Variants in TSPAN18 observed in about 807,000 individuals in gnomAD.
The protein encoded by TSPAN18 is tetraspanin-18.
In TSPAN18, 14 loss-of-function variants were observed where a neutral mutation model predicts 27.3. The observed-to-expected ratio is 0.51, with a 90% CI of 0.34 to 0.80. TSPAN18 has a LOEUF of 0.80. Ranked by LOEUF, TSPAN18 falls within the 30% of genes least tolerant of loss-of-function variation. The probability of loss-of-function intolerance (pLI) is 0.01; values close to 1 mark genes in which losing one functional copy is unlikely to be tolerated. For synonymous variants in TSPAN18, 143 were observed against 136.5 expected (o/e 1.05, Z -0.33); for missense variants, 268 against 323.9 (o/e 0.83, Z 1.32).
At chr11:44,858,039 C>T (rs776635665) in intron 2 of TSPAN18, among the ~76,000 whole-genome samples, 1 of 152,210 alleles carries the variant, frequency 6.6e-6, no homozygotes, top group Non-Finnish European at 1.5e-5. Context: ...ATTTCACAGC[C>T]GTGTGTCTGA....
chr11:44,864,450 C>T (rs1322766934), intron 3 of TSPAN18, among the ~76,000 whole-genome samples: 6 of 152,072 alleles, frequency 3.9e-5, no homozygotes, highest in African/African-American at 7.2e-5. Context: ...CTGAGAGGCA[C>T]GTGGGGTCCT....
At chr11:44,924,757 G>C (rs541358513) in intron 8 of TSPAN18, among the ~76,000 whole-genome samples, 1 of 150,610 alleles carries the variant, frequency 6.6e-6, no homozygotes, top group Non-Finnish European at 1.5e-5. Flanking sequence ...CACATGGGAG[G>C]GGGGAGGGAT....
intron 2 of TSPAN18, among the ~76,000 whole-genome samples, chr11:44,825,228 A>G (rs1280604760): frequency 3.3e-5 from 5 of 152,200 alleles, no homozygotes; most frequent in African/African-American, 1.2e-4. Context: ...GTAGAAGGCA[A>G]CATGTTAGAG....
At chr11:44,883,642 T>G (rs1858556504) in intron 3 of TSPAN18, among the ~76,000 whole-genome samples, 8 of 152,318 alleles carry the variant, frequency 5.3e-5, no homozygotes, top group Admixed American at 4.6e-4. Context: ...AGTAACTTGC[T>G]CAACATCAGA....
chr11:44,920,853 G>A (rs1337276497), intron 8 of TSPAN18, among the ~76,000 whole-genome samples: 5 of 152,186 alleles, frequency 3.3e-5, no homozygotes, highest in Non-Finnish European at 5.9e-5. Context: ...ATTAGAGGAC[G>A]CGCAAGATGA....
At chr11:44,756,929 C>T (rs1304772534) in intron 1 of TSPAN18, among the ~76,000 whole-genome samples, 2 of 152,160 alleles carry the variant, frequency 1.3e-5, no homozygotes, top group Non-Finnish European at 2.9e-5. Flanking sequence ...TGTCTTGTTC[C>T]TGATCTTAGA....
At chr11:44,928,167 C>G (rs1158027147) in intron 9 of TSPAN18, among the ~76,000 whole-genome samples, 1 of 152,182 alleles carries the variant, frequency 6.6e-6, no homozygotes, top group East Asian at 1.9e-4. Flanking sequence ...AGTCCCTGAG[C>G]TAGGGTCTCC....
intron 4 of TSPAN18, among the ~76,000 whole-genome samples, chr11:44,907,055 G>C (rs748002383): frequency 6.6e-6 from 1 of 152,206 alleles, no homozygotes; most frequent in African/African-American, 2.4e-5. Flanking sequence ...AATTAAGCAA[G>C]ATTAGTTTAC....
intron 2 of TSPAN18, among the ~76,000 whole-genome samples, chr11:44,835,100 CAGGGGG>C: frequency 6.6e-6 from 1 of 152,196 alleles, no homozygotes; most frequent in South Asian, 2.1e-4. Flanking sequence ...CACACGGGAG[CAGGGGG>C]CTCCGGCAGC....
chr11:44,759,077 T>C (rs1477281805), intron 1 of TSPAN18, among the ~76,000 whole-genome samples: 3 of 152,258 alleles, frequency 2.0e-5, no homozygotes, highest in Admixed American at 6.5e-5. Flanking sequence ...CATCAGCAGC[T>C]GTCCTTCTGC....
intron 2 of TSPAN18, among the ~76,000 whole-genome samples, chr11:44,767,226 C>T (rs1256115165): frequency 6.6e-6 from 1 of 152,220 alleles, no homozygotes; most frequent in Non-Finnish European, 1.5e-5. Flanking sequence ...CATCCCAAGC[C>T]TCTAGCTGAT....
rs191655935 is a variant in TSPAN18, at chr11:44,865,939, C to T, written c.-11+5470C>T. Among the ~76,000 whole-genome samples the T allele has an allele frequency of 4.6e-5, 7 of 152,346 alleles. No homozygotes were observed. The East Asian group carries it at 9.6e-4, about 21-fold the overall frequency. ...TCCTGGGGATGGGAGTGGCCTGAGCCGAACCACATTCAGTCCAGGCTTGGA... is the reference window on the plus strand; with the variant it reads ...TCCTGGGGATGGGAGTGGCCTGAGCTGAACCACATTCAGTCCAGGCTTGGA... On this transcript the variant is annotated intron_variant, in intron 3 of 9. Coordinates refer to ENST00000520358, the MANE Select transcript of TSPAN18 (RefSeq NM_130783.5).
At chr11:44,844,006 A>G (rs1590565961) in intron 2 of TSPAN18, among the ~76,000 whole-genome samples, 1 of 152,362 alleles carries the variant, frequency 6.6e-6, no homozygotes, top group East Asian at 1.9e-4. Context: ...TAAAGCAAAG[A>G]CAGGCATAGG....
At chr11:44,835,755 CA>C (rs1857252046) in intron 2 of TSPAN18, among the ~76,000 whole-genome samples, 1 of 152,178 alleles carries the variant, frequency 6.6e-6, no homozygotes, top group South Asian at 2.1e-4. Flanking sequence ...GTGCATAGAG[CA>C]AATCTATCAG....
chr11:44,793,304 C>T (rs991936533), intron 2 of TSPAN18, among the ~76,000 whole-genome samples: 5 of 152,178 alleles, frequency 3.3e-5, no homozygotes, highest in African/African-American at 7.2e-5. Flanking sequence ...TTGACTTTTG[C>T]TTGTGGAACA....
At chr11:44,909,622 GGCTCAGGGGAGTGGTGGGTCAGAA>G (rs1859631595) in intron 4 of TSPAN18, 59 bp from the exon 5 acceptor site, 1 of 1,443,592 alleles carries the variant, frequency 6.9e-7, no homozygotes, top group African/African-American at 1.4e-5. Context: ...CCCTGGGGCT[GGCTCAGGGGAGTGGTGGGTCAGAA>G]GTGCCTAACC....
chr11:44,896,728 C>T (rs1859067963), intron 3 of TSPAN18, among the ~76,000 whole-genome samples: 1 of 152,140 alleles, frequency 6.6e-6, no homozygotes, highest in Non-Finnish European at 1.5e-5. Flanking sequence ...TTAGTCCTCC[C>T]CACTGTGGGT....
intron 3 of TSPAN18, among the ~76,000 whole-genome samples, chr11:44,883,972 G>C (rs1184897797): frequency 6.6e-6 from 1 of 152,082 alleles, no homozygotes; most frequent in Non-Finnish European, 1.5e-5. Context: ...ACCGTTTCTG[G>C]CACTTAGCAA....
chr11:44,760,879 G>T (rs756023039), intron 1 of TSPAN18, among the ~76,000 whole-genome samples: 1 of 152,058 alleles, frequency 6.6e-6, no homozygotes, highest in Non-Finnish European at 1.5e-5. Flanking sequence ...TAATTAATTG[G>T]TAGTGTTTTC....
Sources: allele counts gnomAD v4.1 joint callset (sites outside exome capture counted in the v4.1 genomes callset), GRCh38; gene constraint gnomAD v4.1.1; transcripts MANE v1.5; gene names NCBI Gene and HGNC (gene_info 2026-07-23, HGNC 2026-07-21).